The following SLC6A4 variants were observed in gnomAD, a reference collection of about 807,000 sequenced individuals.
SLC6A4 encodes solute carrier family 6 member 4.
Under a neutral mutation model 73.4 loss-of-function variants are expected in SLC6A4, and 22 were observed. The ratio of observed to expected loss-of-function variants is 0.30; its 90% confidence interval spans 0.21 to 0.43. The LOEUF (loss-of-function observed/expected upper bound fraction) is 0.43. Ranked by LOEUF, SLC6A4 falls within the 20% of genes least tolerant of loss-of-function variation. The pLI is 1.00. For missense variants in SLC6A4, 593 were observed against 808.5 expected, an observed-to-expected ratio of 0.73 and a Z score of 3.23; for synonymous variants, 270 against 315.5, an observed-to-expected ratio of 0.86 and a Z score of 1.53.
Position 30,199,567 on chromosome 17 carries a change from C to T in SLC6A4, c.1819-1037G>A, listed in dbSNP as rs118189300. On this transcript the variant is annotated intron_variant, in intron 14 of 14. Coordinates refer to ENST00000650711, the MANE Select transcript of SLC6A4 (RefSeq NM_001045.6). ...GGAGTTTGTTCTTTAAGAAATAGGG[C>T]CTCTATAATTCAAAAAGTTCCAGTC... 1.0e-2 allele frequency among the ~76,000 whole-genome samples: 1,515 copies of T among 152,158 alleles called. 7 individuals carry two copies. The highest frequency in any genetic ancestry group is 0.016 in the Non-Finnish European group (1,057 of 67,984).
At position 30,215,698 on chromosome 17, in the gene SLC6A4, G is replaced by C. The variant is rs1023963762; in HGVS notation, c.989C>G (p.Ala330Gly). 5 of 1,613,826 alleles carry C rather than the reference G, an allele frequency of 3.1e-6. No homozygotes were observed. The highest frequency in any genetic ancestry group is 4.2e-6 in the Non-Finnish European group (5 of 1,179,954). ...LLETGVWIDA[A>G]AQIFFSLGPG... ...ACCAAGAGAGAAGAAGATCTGAGCG[G>C]CTGCATCTATCCACACCTGGAACAC... Residue 330 changes from alanine to glycine, a missense_variant, in exon 8 of 15, where the codon GCC becomes GGC. Coordinates refer to ENST00000650711, the MANE Select transcript of SLC6A4 (RefSeq NM_001045.6).
At chr17:30,228,590 C>T (rs945857776) in intron 1 of SLC6A4, among the ~76,000 whole-genome samples, 13 of 152,188 alleles carry the variant, frequency 8.5e-5, no homozygotes, top group African/African-American at 2.9e-4. Flanking sequence ...AAGAGATCCA[C>T]GTGGGCACTC....
chr17:30,211,212 G>T lies in SLC6A4; in HGVS notation c.1317+100C>A. On this transcript the variant is annotated intron_variant, in intron 10 of 14. Transcript: ENST00000650711. This position sits in a 1 kb window ranked among gnomAD's most constrained non-coding sequence, Gnocchi z 4.0. The stretch of plus-strand genomic sequence containing the variant: ...GCACCAGAAGGGAGTAGCCAAAGCT[G>T]CCTGGGATGGCCAGGGATGGGAGGG... The T allele has an allele frequency of 1.3e-6, 1 of 773,520 alleles. No homozygotes were observed. Among genetic ancestry groups the T allele is most frequent in the Non-Finnish European group, 2.2e-6 (1 of 457,354 alleles). The allele number at this position is 773,520 out of a possible 1,614,324, so 47.9% of individuals were successfully genotyped here. A position where few individuals can be genotyped will look rare whatever the true frequency, so the allele number is the denominator to read the frequency against.
rs573079207 is a variant in SLC6A4, at chr17:30,207,695, C to T, written c.1650+37G>A. 38 of 1,390,552 alleles carry T rather than the reference C, an allele frequency of 2.7e-5. 1 individual carries two copies. The South Asian group carries it at 3.5e-4, about 13-fold the overall frequency. 86.1% of individuals were successfully genotyped at this position (1,390,552 alleles called of 1,614,324 possible). ...TTTTATGTGTCTGGGGGAAGTCTTT[C>T]GCCAGGGCAAGGAGGAGAAGGGAAA... On this transcript the variant is annotated intron_variant, in intron 13 of 14. Transcript: ENST00000650711.
chr17:30,227,780 A>G (rs1009619148), intron 1 of SLC6A4, among the ~76,000 whole-genome samples: 1 of 152,172 alleles, frequency 6.6e-6, no homozygotes, highest in Non-Finnish European at 1.5e-5. Flanking sequence ...GATCCACTGC[A>G]CCCAGCCTGG....
intron 14 of SLC6A4, among the ~76,000 whole-genome samples, chr17:30,201,355 C>T (rs1041686720): frequency 3.9e-5 from 6 of 152,134 alleles, no homozygotes; most frequent in Admixed American, 2.6e-4. Context: ...TCTGGTGGCC[C>T]CTCGTGAAGA....
chr17:30,220,271 T>G (rs965196037), intron 3 of SLC6A4, among the ~76,000 whole-genome samples: 13 of 152,202 alleles, frequency 8.5e-5, no homozygotes, highest in African/African-American at 3.1e-4. Context: ...AGAGTTCCCA[T>G]GAAAATCAAG....
intron 1 of SLC6A4, among the ~76,000 whole-genome samples, chr17:30,224,059 TA>T (rs1906852747): frequency 6.6e-6 from 1 of 152,210 alleles, no homozygotes; most frequent in South Asian, 2.1e-4. Context: ...AAGGCCTCTG[TA>T]CTTCCCTCCG....
Position 30,209,319 on chromosome 17 carries a change from T to C in SLC6A4, c.1450-77A>G, listed in dbSNP as rs563212566. 80 of 884,548 alleles carry C rather than the reference T, an allele frequency of 9.0e-5. No homozygotes were observed. The African/African-American group carries it at 1.2e-3, about 14-fold the overall frequency. The allele number at this position is 884,548 out of a possible 1,614,324, so 54.8% of individuals were successfully genotyped here. ...CCAACTACAGAGACCTGCAGGGGCT[T>C]CCTCACTTAGAATCATTCTGGAAAA... On this transcript the variant is annotated intron_variant, in intron 11 of 14. Transcript: ENST00000650711.
chr17:30,207,429 C>T (rs1567816462), intron 13 of SLC6A4, among the ~76,000 whole-genome samples: 1 of 152,070 alleles, frequency 6.6e-6, no homozygotes, highest in Non-Finnish European at 1.5e-5. Context: ...ACTTTGTCAC[C>T]CAGGCTGGAG....
At chr17:30,234,042 A>T (rs557370749) in intron 1 of SLC6A4, among the ~76,000 whole-genome samples, 1 of 152,180 alleles carries the variant, frequency 6.6e-6, no homozygotes, top group African/African-American at 2.4e-5. Context: ...CCCATTCCTC[A>T]GGCACCTCAC....
intron 14 of SLC6A4, among the ~76,000 whole-genome samples, chr17:30,201,685 G>T (rs1906040515): frequency 6.6e-6 from 1 of 152,172 alleles, no homozygotes; most frequent in African/African-American, 2.4e-5. Context: ...GGCTCTTTAG[G>T]GGGAGTGCGG....
At chr17:30,205,507 C>T (rs996032143) in intron 13 of SLC6A4, among the ~76,000 whole-genome samples, 2 of 152,258 alleles carry the variant, frequency 1.3e-5, no homozygotes, top group Middle Eastern at 3.4e-3. Flanking sequence ...ATGGGCTAGG[C>T]GATTTCCAAC....
Position 30,216,071 on chromosome 17 carries a change from C to A in SLC6A4, c.972+11G>T, listed in dbSNP as rs200885720. On this transcript the variant is annotated intron_variant, in intron 7 of 14. Transcript: ENST00000650711. Reference sequence around the variant, plus strand: ...GACAGACAGGTACACATATTTCCCTCATCATCTTACCCCTGTCTCCAGGAG... The same window carrying A: ...GACAGACAGGTACACATATTTCCCTAATCATCTTACCCCTGTCTCCAGGAG... 14 of 1,611,468 alleles carry A rather than the reference C, an allele frequency of 8.7e-6. No homozygotes were observed. In the African/African-American group the frequency reaches 1.6e-4, roughly 18 times the overall value.
chr17:30,212,953 T>A, intron 8 of SLC6A4, 86 bp from the exon 9 acceptor site: 3 of 1,440,738 alleles, frequency 2.1e-6, no homozygotes, highest in Non-Finnish European at 2.9e-6. Flanking sequence ...TGCCCTGCCT[T>A]AGACAGGGCG....
At chr17:30,201,515 G>T (rs1183254144) in intron 14 of SLC6A4, among the ~76,000 whole-genome samples, 2 of 152,210 alleles carry the variant, frequency 1.3e-5, no homozygotes, top group Non-Finnish European at 2.9e-5. Flanking sequence ...ACTAAAGAAT[G>T]ACATTTATTA....
chr17:30,209,068 G>T, intron 12 of SLC6A4, 75 bp downstream of exon 12: 1 of 999,104 alleles, frequency 1.0e-6, no homozygotes, highest in Non-Finnish European at 1.5e-6. Flanking sequence ...AGCCTTTTTT[G>T]GTGAAATCAG....
In SLC6A4 at chr17:30,212,871, G is replaced by A; in HGVS notation, c.1077-4C>T. Reference sequence around the variant, plus strand: ...CACGCTGGTCACCAGGGCATCTCTGGAGGGGAAAACCCAAGGGGCCGCCTG... The same window carrying A: ...CACGCTGGTCACCAGGGCATCTCTGAAGGGGAAAACCCAAGGGGCCGCCTG... On this transcript the variant is annotated splice_region_variant and splice_polypyrimidine_tract_variant and intron_variant, in intron 8 of 14. Transcript: ENST00000650711. 6.2e-7 allele frequency: 1 copy of A among 1,613,996 alleles called. No homozygotes were observed.
chr17:30,230,039 AAG>A (rs1907038135), intron 1 of SLC6A4, among the ~76,000 whole-genome samples: 1 of 129,804 alleles, frequency 7.7e-6, no homozygotes, highest in Non-Finnish European at 1.6e-5. Flanking sequence ...GAAGAAGAAA[AAG>A]AAGAAAGAAG....
Sources: allele counts gnomAD v4.1 joint callset (sites outside exome capture counted in the v4.1 genomes callset), GRCh38; gene constraint gnomAD v4.1.1; non-coding constraint Gnocchi (gnomAD v3.1); transcripts MANE v1.5; gene names NCBI Gene and HGNC (gene_info 2026-07-23, HGNC 2026-07-21).